Variants in DMPK observed in about 807,000 individuals in gnomAD.
DMPK encodes the protein DM1 protein kinase, also known as myotonin-protein kinase.
Under a neutral mutation model 70.3 loss-of-function variants are expected in DMPK, and 32 were observed. That is an observed-to-expected ratio of 0.46 (90% confidence interval 0.34 to 0.61). The LOEUF (loss-of-function observed/expected upper bound fraction) is 0.61, where lower values mean the gene tolerates loss of function less well. Among genes scored for constraint, DMPK ranks in the 20% least tolerant of loss-of-function variants. The probability of loss-of-function intolerance (pLI) is 0.01; values close to 1 mark genes in which losing one functional copy is unlikely to be tolerated. For synonymous variants in DMPK, 469 were observed against 390.9 expected, an observed-to-expected ratio of 1.20 and a Z score of -2.36; for missense variants, 899 against 886.0, an observed-to-expected ratio of 1.01 and a Z score of -0.19.
In DMPK at chr19:45,779,418, C is replaced by CT. The variant is rs778806268; in HGVS notation, c.336+20_336+21insA. 1.9e-6 allele frequency: 3 copies of CT among 1,613,948 alleles called. No individual in the cohort carries two copies. The Admixed American group carries it at 5.0e-5, about 27-fold the overall frequency. On this transcript the variant is annotated intron_variant, in intron 3 of 14. Transcript: ENST00000291270. ...CGGGGCGCGGATCCTCAAAGCCCCCCACGTCCGCCCAGCCCCTCACCTCGC... is the reference window on the plus strand; with the variant it reads ...CGGGGCGCGGATCCTCAAAGCCCCCCTACGTCCGCCCAGCCCCTCACCTCGC...
rs552454420 is a variant in DMPK, at chr19:45,771,042, C to T, written c.1666G>A (p.Val556Met). Residue 556 changes from valine to methionine, a missense_variant, in exon 14 of 15, where the codon GTG becomes ATG. Coordinates refer to ENST00000291270, the MANE Select transcript of DMPK (RefSeq NM_004409.5). ...PPSHLDGPPA[V>M]AVGQCPLVGP... ...ACCAGCGGGCACTGGCCCACAGCCA[C>T]GGCCGGGGGGCCATCTAGCTGGAGA... 1 of 1,509,864 alleles carries T rather than the reference C, an allele frequency of 6.6e-7. No individual in the cohort carries two copies. Among genetic ancestry groups the T allele is most frequent in the South Asian group, 1.3e-5 (1 of 78,980 alleles). The allele number at this position is 1,509,864 out of a possible 1,614,324, so 93.5% of individuals were successfully genotyped here.
In DMPK at chr19:45,778,699, G is replaced by C. The variant is rs925626479; in HGVS notation, c.433-58C>G. On this transcript the variant is annotated intron_variant, in intron 4 of 14. Transcript: ENST00000291270. ...TCCCCTGAGGCCCTGATCCATCACG[G>C]ATGGCTGGGACAACCCCTCCCAGAG... 5 of 1,563,644 alleles carry C rather than the reference G, an allele frequency of 3.2e-6. No individual in the cohort carries two copies. The African/African-American group carries it at 6.8e-5, about 21-fold the overall frequency.
chr19:45,777,861 C>G lies in DMPK; in HGVS notation c.688G>C (p.Val230Leu), dbSNP rs1969867035. ...AGGTAGTCTGGGGTGCCCACAGCCACCAGCGACCGCACCTGGACCAAAAGG... is the reference window on the plus strand; with the variant it reads ...AGGTAGTCTGGGGTGCCCACAGCCAGCAGCGACCGCACCTGGACCAAAAGG... Reference protein sequence around the residue: ...LRADGTVRSLVAVGTPDYLSP... With the variant: ...LRADGTVRSLLAVGTPDYLSP... Residue 230 changes from valine (V) to leucine (L), a missense_variant, in exon 7 of 15, where the codon GTG (valine) becomes CTG (leucine). Val to Leu is a conservative substitution (Grantham distance 32, BLOSUM62 1). Around this residue, in one of 3 missense-constraint regions of DMPK, gnomAD observed 195 missense variants for 259.7 expected, o/e 0.75. Coordinates refer to ENST00000291270, the MANE Select transcript of DMPK (RefSeq NM_004409.5). The surrounding 1 kb of genome is among the most constrained non-coding windows in gnomAD (Gnocchi z 6.7). 2 of 1,608,630 alleles carry G rather than the reference C, an allele frequency of 1.2e-6. No homozygotes were observed. Among genetic ancestry groups the G allele is most frequent in the Non-Finnish European group, 1.7e-6 (2 of 1,179,508 alleles).
At chr19:45,773,425 T>A (rs523577) in intron 9 of DMPK, among the ~76,000 whole-genome samples, 1 of 152,098 alleles carries the variant, frequency 6.6e-6, no homozygotes, top group East Asian at 1.9e-4. Flanking sequence ...TGTAATGTTG[T>A]CCAGTAATAA....
Position 45,778,621 on chromosome 19 carries a change from G to A in DMPK, c.453C>T (p.Tyr151=), listed in dbSNP as rs374598653. ...GCAGTGTCAGCAGGTCCCCGCCCAC[G>A]TAATACTCCATGACCAGGTACTGAG... The part of the protein sequence containing the change: ...ENYLYLVMEY[Y]VGGDLLTLLS... Residue 151 remains tyrosine, a synonymous_variant, in exon 5 of 15, where the codon TAC becomes TAT. Coordinates refer to ENST00000291270, the MANE Select transcript of DMPK (RefSeq NM_004409.5). 201 of 1,613,788 alleles carry A rather than the reference G, an allele frequency of 1.2e-4. No individual in the cohort carries two copies. The highest frequency in any genetic ancestry group is 1.6e-4 in the Non-Finnish European group (185 of 1,180,004).
At chr19:45,778,296 C>T in intron 5 of DMPK, 76 bp from the exon 6 acceptor site, 1 of 1,459,934 alleles carries the variant, frequency 6.8e-7, no homozygotes, top group Non-Finnish European at 9.4e-7. Context: ...CCCCTCCGGG[C>T]AGTGCCACCT....
intron 10 of DMPK, chr19:45,772,180 T>C (rs1381827058): frequency 6.8e-5 from 35 of 516,092 alleles, no homozygotes; most frequent in Non-Finnish European, 1.0e-4. Context: ...ACACAACCTA[T>C]GTCCCTCTGC....
chr19:45,782,415 G>GCCTGGCAGCCCCTGTCCAGGC lies in DMPK; in HGVS notation c.-84_-64dup, dbSNP rs1384886117. 1.4e-6 allele frequency: 2 copies of GCCTGGCAGCCCCTGTCCAGGC among 1,464,582 alleles called. No homozygotes were observed. The highest frequency in any genetic ancestry group is 2.5e-5 in the Admixed American group (1 of 39,270). The allele number at this position is 1,464,582 out of a possible 1,614,324, so 90.7% of individuals were successfully genotyped here. On this transcript the variant is annotated 5_prime_UTR_variant, in exon 1 of 15. Coordinates refer to ENST00000291270, the MANE Select transcript of DMPK (RefSeq NM_004409.5). ...GGGCTCGGGGTCCTCCTGTCACAGG[G>GCCTGGCAGCCCCTGTCCAGGC]CCTGGCAGCCCCTGTCCAGGCCCTG... is the stretch of plus-strand genomic sequence containing the variant.
rs769358934 is a variant in DMPK at position 45,772,662 on chromosome 19, C to T, written c.1323G>A (p.Ser441=). 2.2e-5 allele frequency: 34 copies of T among 1,541,788 alleles called. 3 individuals are homozygous for T. In the South Asian group the frequency reaches 3.4e-4, roughly 15 times the overall value. ...TTACTGTTTCATCCTGTGGGGACAC[C>T]GAGGGCTCCAGGCTGGGCGCTTGCA... The part of the protein sequence containing the change: ...PHVQAPSLEP[S]VSPQDETAEV... The change falls in exon 10 of 15, where the codon TCG becomes TCA. Residue 441 remains serine, a synonymous_variant. Coordinates refer to ENST00000291270, the MANE Select transcript of DMPK (RefSeq NM_004409.5).
At position 45,777,541 on chromosome 19, in the gene DMPK, C is replaced by T. The variant is rs201714957; in HGVS notation, c.932G>A (p.Arg311Gln). 5.8e-4 allele frequency: 928 copies of T among 1,613,498 alleles called. 1 individual carries two copies. The highest frequency in any genetic ancestry group is 7.5e-4 in the Non-Finnish European group (885 of 1,180,014). Residue 311 changes from arginine (R) to glutamine (Q), a missense_variant, in exon 8 of 15, where the codon CGA (arginine) becomes CAA (glutamine). Physicochemically the swap from Arg to Gln is conservative, Grantham distance 43. Coordinates refer to ENST00000291270, the MANE Select transcript of DMPK (RefSeq NM_004409.5). The surrounding 1 kb of genome is among the most constrained non-coding windows in gnomAD (Gnocchi z 6.7). ...LVDEGVPEEARDFIQRLLCPP... is the reference protein window; with the variant it reads ...LVDEGVPEEAQDFIQRLLCPP... Reference sequence around the variant, plus strand: ...ACACAGCAACCGCTGAATGAAGTCTCGAGCCTCCTCAGGGACCCCTTCGTC... The same window carrying T: ...ACACAGCAACCGCTGAATGAAGTCTTGAGCCTCCTCAGGGACCCCTTCGTC...
At position 45,779,767 on chromosome 19, in the gene DMPK, G is replaced by C; in HGVS notation, c.252+11C>G. ...ACGAGTCAAGTCAGGCTCCCGCCCG[G>C]TTCGGCTTACCTCGCTGAACGCCCC... On this transcript the variant is annotated intron_variant, in intron 2 of 14. Coordinates refer to ENST00000291270, the MANE Select transcript of DMPK (RefSeq NM_004409.5). The C allele has an allele frequency of 6.5e-7, 1 of 1,548,464 alleles. No individual in the cohort carries two copies. The highest frequency in any genetic ancestry group is 1.2e-5 in the South Asian group (1 of 80,534).
At position 45,777,161 on chromosome 19, in the gene DMPK, G is replaced by C; in HGVS notation, c.1146+166C>G. ...CTGCTCTGTGTTCCCCCACTGGACT[G>C]TAAGTCTAGGTCACTGCTGGGTCCT... On this transcript the variant is annotated intron_variant, in intron 8 of 14. Transcript: ENST00000291270. This position sits in a 1 kb window ranked among gnomAD's most constrained non-coding sequence, Gnocchi z 6.7. 12 of 962,168 alleles carry C rather than the reference G, an allele frequency of 1.2e-5. 1 individual carries two copies. In the South Asian group the frequency reaches 2.2e-4, roughly 18 times the overall value. The allele number at this position is 962,168 out of a possible 1,614,324, so 59.6% of individuals were successfully genotyped here.
chr19:45,771,602 C>T lies in DMPK; in HGVS notation c.1566G>A (p.Glu522=), dbSNP rs149175283. 2.5e-6 allele frequency: 4 copies of T among 1,614,096 alleles called. No homozygotes were observed. The African/African-American group carries it at 5.3e-5, about 22-fold the overall frequency. ...DLEAHVRQLQ[E]RMELLQAEGA... is the part of the protein sequence containing the mutation. ...CCTCTGCCTGCAGCAACTCCATCCG[C>T]TCCTGCAACTGCCGGACGTGTGCCT... is the stretch of plus-strand genomic sequence containing the variant. The change falls in exon 12 of 15, where the codon GAG becomes GAA. Residue 522 remains glutamate (E), a synonymous_variant. Transcript: ENST00000291270.
Position 45,771,046 on chromosome 19 carries a change from C to A in DMPK, c.1662G>T (p.Pro554=). 1 of 1,515,700 alleles carries A rather than the reference C, an allele frequency of 6.6e-7. No homozygotes were observed. The allele number at this position is 1,515,700 out of a possible 1,614,324, so 93.9% of individuals were successfully genotyped here. A position where few individuals can be genotyped will look rare whatever the true frequency, so the allele number is the denominator to read the frequency against. The part of the protein sequence containing the change: ...TDPPSHLDGP[P]AVAVGQCPLV... ...GCGGGCACTGGCCCACAGCCACGGC[C>A]GGGGGGCCATCTAGCTGGAGAGAGA... The change falls in exon 14 of 15, where the codon CCG becomes CCT. Residue 554 remains proline (P), a synonymous_variant. Transcript: ENST00000291270.
In DMPK at chr19:45,775,585, C is replaced by A. The variant is rs371726191; in HGVS notation, c.1147-551G>T. ...CTAGAGTGCAGTGGCACAACCCCAG[C>A]CCACTGCAAACTCTGCCTCCCAGGT... On this transcript the variant is annotated intron_variant, in intron 8 of 14. Transcript: ENST00000291270. Among the ~76,000 whole-genome samples the A allele has an allele frequency of 2.7e-5, 3 of 110,964 alleles. 1 individual carries two copies. The East Asian group carries it at 1.1e-3, about 41-fold the overall frequency. The allele number at this position is 110,964 out of a possible 152,430, so 72.8% of individuals were successfully genotyped here. A position where few individuals can be genotyped will look rare whatever the true frequency, so the allele number is the denominator to read the frequency against.
At chr19:45,780,131 T>C (rs1970037574) in intron 1 of DMPK, 3 of 1,442,466 alleles carry the variant, frequency 2.1e-6, no homozygotes, top group Non-Finnish European at 2.7e-6. Context: ...GTGTGCAGGA[T>C]GGTTAGGGTG....
In DMPK at chr19:45,770,190, G is replaced by A. The variant is rs1400460728; in HGVS notation, c.*298C>T. 2 of 672,804 alleles carry A rather than the reference G, an allele frequency of 3.0e-6. No homozygotes were observed. The highest frequency in any genetic ancestry group is 3.4e-5 in the East Asian group (1 of 29,422). 41.7% of individuals were successfully genotyped at this position (672,804 alleles called of 1,614,324 possible). The stretch of plus-strand genomic sequence containing the variant: ...CTCAGCCTGGCCGAAAGAAAGAAAT[G>A]GTCTGTGATCCCCCCAGCAGCAGCA... On this transcript the variant is annotated 3_prime_UTR_variant, in exon 15 of 15. Transcript: ENST00000291270.
intron 14 of DMPK, 130 bp from the exon 15 acceptor site, chr19:45,770,770 T>G (rs1969355177): frequency 4.3e-6 from 5 of 1,162,734 alleles, no homozygotes; most frequent in Non-Finnish European, 6.0e-6. Flanking sequence ...AGCCTACAGC[T>G]GTTGTTAGTC....
rs1378137362 is a variant in DMPK, at chr19:45,772,832, TAGGGGC to T, written c.1233-86_1233-81del. 4 of 746,886 alleles carry T rather than the reference TAGGGGC, an allele frequency of 5.4e-6. No homozygotes were observed. In the African/African-American group the frequency reaches 7.4e-5, roughly 14 times the overall value. 46.3% of individuals were successfully genotyped at this position (746,886 alleles called of 1,614,324 possible). A position where few individuals can be genotyped will look rare whatever the true frequency, so the allele number is the denominator to read the frequency against. On this transcript the variant is annotated intron_variant, in intron 9 of 14. Coordinates refer to ENST00000291270, the MANE Select transcript of DMPK (RefSeq NM_004409.5). ...AGAACCAGAACTTCTGGCCTGTGGG[TAGGGGC>T]AGCTGCTTCCAAGACCTCCTGATTT...
Sources: gnomAD v4.1 joint callset for allele counts (sites outside exome capture counted in the v4.1 genomes callset) on GRCh38, gnomAD v4.1.1 for gene constraint, gnomAD v4.1.1 regional missense constraint, Gnocchi (gnomAD v3.1) non-coding constraint, MANE v1.5 for transcripts, NCBI Gene and HGNC (gene_info 2026-07-23, HGNC 2026-07-21) for gene names.